The following CCAR2 variants were observed in gnomAD, a reference collection of about 807,000 sequenced individuals.
CCAR2 encodes cell cycle and apoptosis regulator 2.
In CCAR2, 21 loss-of-function variants were observed where a neutral mutation model predicts 108.1. The ratio of observed to expected loss-of-function variants is 0.19; its 90% CI spans 0.14 to 0.28. The LOEUF (loss-of-function observed/expected upper bound fraction) is 0.28, where lower values mean the gene tolerates loss of function less well. Among genes scored for constraint, CCAR2 ranks in the 10% least tolerant of loss-of-function variants. The pLI is 1.00. For synonymous variants in CCAR2, 577 were observed against 472.8 expected (o/e 1.22, Z -2.86); for missense variants, 1,126 against 1,177.0 (o/e 0.96, Z 0.63).
In CCAR2 at chr8:22,606,707, G is replaced by T. The variant is rs1230256106; in HGVS notation, c.242+9G>T. 1 of 1,611,102 alleles carries T rather than the reference G, an allele frequency of 6.2e-7. No individual in the cohort carries two copies. Among genetic ancestry groups the T allele is most frequent in the African/African-American group, 1.3e-5 (1 of 74,866 alleles). On this transcript the variant is annotated intron_variant, in intron 4 of 20. Transcript: ENST00000308511. The stretch of plus-strand genomic sequence containing the variant: ...GTCTTTTTTCAGCTAAGGTAGGCTT[G>T]AGGTTGGTCCCCTAACGGAAATGCT...
At chr8:22,606,321 CT>C in intron 3 of CCAR2, 145 bp downstream of exon 3, 1 of 748,868 alleles carries the variant, frequency 1.3e-6, no homozygotes, top group Non-Finnish European at 2.3e-6. Flanking sequence ...CCCAGATAGC[CT>C]TCAGACTGGG....
At position 22,605,668 on chromosome 8, in the gene CCAR2, T is replaced by C. The variant is rs936959181; in HGVS notation, c.-38-68T>C. The C allele has an allele frequency of 4.4e-6, 4 of 918,868 alleles. No homozygotes were observed. In the African/African-American group the frequency reaches 6.6e-5, roughly 15 times the overall value. 56.9% of individuals were successfully genotyped at this position (918,868 alleles called of 1,614,324 possible). A position where few individuals can be genotyped will look rare whatever the true frequency, so the allele number is the denominator to read the frequency against. ...TCCGAAATATCCTTACTTAAGATTC[T>C]CCACTTTTCCGGGTATAGATGGAAA... On this transcript the variant is annotated intron_variant, in intron 1 of 20. Coordinates refer to ENST00000308511, the MANE Select transcript of CCAR2 (RefSeq NM_001393997.1).
chr8:22,607,114 A>AG, intron 5 of CCAR2, 82 bp from the exon 6 acceptor site: 2 of 1,608,206 alleles, frequency 1.2e-6, no homozygotes, highest in Non-Finnish European at 1.7e-6. Context: ...GACTTTTGTC[A>AG]GGGGGGTGGG....
Position 22,605,842 on chromosome 8 carries a change from T to C in CCAR2, c.58+11T>C, listed in dbSNP as rs1168082715. 3 of 1,612,976 alleles carry C rather than the reference T, an allele frequency of 1.9e-6. No individual in the cohort carries two copies. Among genetic ancestry groups the C allele is most frequent in the Non-Finnish European group, 2.5e-6 (3 of 1,179,376 alleles). The stretch of plus-strand genomic sequence containing the variant: ...GACGCAACTTCTCAGGTGATCACTG[T>C]TCTCCCTACCTGGCCTCATCCTGGG... On this transcript the variant is annotated intron_variant, in intron 2 of 20. Transcript: ENST00000308511.
intron 7 of CCAR2, chr8:22,612,718 C>T (rs1801337081): frequency 4.4e-6 from 1 of 225,566 alleles, no homozygotes; most frequent in Non-Finnish European, 8.5e-6. Context: ...TTTCCAGAGG[C>T]TTCCATCATT....
At position 22,615,763 on chromosome 8, in the gene CCAR2, G is replaced by A. The variant is rs1470853175; in HGVS notation, c.1459G>A (p.Ala487Thr). The change falls in exon 13 of 21, where the codon GCC becomes ACC. Residue 487 changes from alanine to threonine, a missense_variant. Around this residue, in one of 4 missense-constraint regions of CCAR2, gnomAD observed 1,013 missense variants for 993.9 expected, o/e 1.02. Coordinates refer to ENST00000308511, the MANE Select transcript of CCAR2 (RefSeq NM_001393997.1). ...TAGACGGAACGCAGAAACTCCAGAGGCCACCACACAGCAGGAAACGGACAC... is the reference window on the plus strand; with the variant it reads ...TAGACGGAACGCAGAAACTCCAGAGACCACCACACAGCAGGAAACGGACAC... The part of the protein sequence containing the change: ...TSRRNAETPE[A>T]TTQQETDTDL... 18 of 1,613,770 alleles carry A rather than the reference G, an allele frequency of 1.1e-5. No homozygotes were observed. Among genetic ancestry groups the A allele is most frequent in the Non-Finnish European group, 1.5e-5 (18 of 1,180,022 alleles).
chr8:22,619,048 C>A lies in CCAR2; in HGVS notation c.2521+33C>A, dbSNP rs757152526. The A allele has an allele frequency of 4.4e-6, 7 of 1,608,030 alleles. No individual in the cohort carries two copies. The African/African-American group carries it at 8.0e-5, about 18-fold the overall frequency. On this transcript the variant is annotated intron_variant, in intron 19 of 20. Transcript: ENST00000308511. ...CCTGGGGCTGCAGCCACCATGGGGT[C>A]ACATGCAGACCAGTAGGGAACCTGC...
Position 22,618,462 on chromosome 8 carries a change from C to T in CCAR2, c.2187C>T (p.Leu729=), listed in dbSNP as rs201322918. Residue 729 remains leucine (L), a synonymous_variant, in exon 17 of 21, where the codon CTC becomes CTT. Coordinates refer to ENST00000308511, the MANE Select transcript of CCAR2 (RefSeq NM_001393997.1). The stretch of plus-strand genomic sequence containing the variant: ...ACCGGCGAGACTTAGAGAGGATCCT[C>T]CTTACCCTTGGGATCCGGCTCAGTG... ...YLHRRDLERI[L]LTLGIRLSAE... 9.0e-5 allele frequency: 146 copies of T among 1,614,110 alleles called. No homozygotes were observed. Among genetic ancestry groups the T allele is most frequent in the Middle Eastern group, 1.6e-4 (1 of 6,084 alleles).
chr8:22,616,992 C>T (rs1801546188), intron 14 of CCAR2, among the ~76,000 whole-genome samples: 1 of 106,020 alleles, frequency 9.4e-6, no homozygotes, highest in Non-Finnish European at 1.8e-5. Context: ...AACGATTCTC[C>T]TGCCTCAGCC....
At position 22,615,836 on chromosome 8, in the gene CCAR2, C is replaced by T; in HGVS notation, c.1532C>T (p.Ala511Val). Residue 511 changes from alanine to valine, a missense_variant, in exon 13 of 21, where the codon GCA becomes GTA. By Grantham distance (64) the Ala-to-Val change is moderately conservative (BLOSUM62 0). Transcript: ENST00000308511. ...CCCCCCCTAGAACCTGCTGTCATCG[C>T]ACGCCCTGGCTGTGTAAACCTGTCC... ...PPPPLEPAVI[A>V]RPGCVNLSLH... 1 of 1,614,008 alleles carries T rather than the reference C, an allele frequency of 6.2e-7. No individual in the cohort carries two copies. Among genetic ancestry groups the T allele is most frequent in the Non-Finnish European group, 8.5e-7 (1 of 1,180,036 alleles).
chr8:22,612,133 G>C (rs1226336174), intron 7 of CCAR2, among the ~76,000 whole-genome samples: 2 of 152,152 alleles, frequency 1.3e-5, no homozygotes, highest in Admixed American at 6.5e-5. Flanking sequence ...TTTTAGTAGA[G>C]ATAGGGTTTC....
intron 7 of CCAR2, among the ~76,000 whole-genome samples, chr8:22,611,053 TAAAATTAAAATAATATAAATAC>T (rs1363510844): frequency 5.3e-5 from 8 of 151,584 alleles, no homozygotes; most frequent in African/African-American, 1.9e-4. Context: ...TATAAATACA[TAAAATTAAAATAATATAAATAC>T]GTAGGCCAGG....
chr8:22,612,035 C>T (rs113297872), intron 7 of CCAR2, among the ~76,000 whole-genome samples: 15 of 151,786 alleles, frequency 9.9e-5, no homozygotes, highest in African/African-American at 3.6e-4. Flanking sequence ...ACCTCCGCCT[C>T]CCCGGTTCAA....
rs1425744988 is a variant in CCAR2, at chr8:22,618,743, C to T, written c.2332+15C>T. 3 of 1,613,726 alleles carry T rather than the reference C, an allele frequency of 1.9e-6. No individual in the cohort carries two copies. The highest frequency in any genetic ancestry group is 2.5e-6 in the Non-Finnish European group (3 of 1,179,890). On this transcript the variant is annotated intron_variant, in intron 18 of 20. Transcript: ENST00000308511. Reference sequence around the variant, plus strand: ...GGTGCTCTTCGGTATGTTCTGGGGCCCTGCAGCCTTCCTGGGGCACGGGCA... The same window carrying T: ...GGTGCTCTTCGGTATGTTCTGGGGCTCTGCAGCCTTCCTGGGGCACGGGCA...
intron 5 of CCAR2, 54 bp downstream of exon 5, chr8:22,607,078 G>A (rs1801106092): frequency 6.2e-7 from 1 of 1,608,994 alleles, no homozygotes; most frequent in Admixed American, 1.7e-5. Flanking sequence ...GGAAGCCCCT[G>A]TGCCCTGACA....
intron 14 of CCAR2, 37 bp from the exon 15 acceptor site, chr8:22,617,383 C>A: frequency 1.3e-6 from 2 of 1,516,832 alleles, no homozygotes; most frequent in Non-Finnish European, 1.8e-6. Context: ...ATGGTAACTG[C>A]CTGCCTTTTC....
rs963158511 is a variant in CCAR2 at position 22,620,424 on chromosome 8, T to TTG, written c.*743_*744insGT. The TTG allele has an allele frequency of 3.2e-4, 48 of 152,040 alleles. No individual in the cohort carries two copies. The highest frequency in any genetic ancestry group is 1.2e-3 in the African/African-American group (48 of 41,400). 9.4% of individuals were successfully genotyped at this position (152,040 alleles called of 1,614,324 possible). On this transcript the variant is annotated 3_prime_UTR_variant, in exon 21 of 21. Coordinates refer to ENST00000308511, the MANE Select transcript of CCAR2 (RefSeq NM_001393997.1). ...TTTGTATATAAAGTTGGGGTTTTTT[T>TTG]TTTTTTTTTTTGGCTTGTTTTTTAA...
At position 22,605,791 on chromosome 8, in the gene CCAR2, C is replaced by T. The variant is rs1563902174; in HGVS notation, c.18C>T (p.Arg6=). 2 of 1,614,028 alleles carry T rather than the reference C, an allele frequency of 1.2e-6. No individual in the cohort carries two copies. Among genetic ancestry groups the T allele is most frequent in the Non-Finnish European group, 1.7e-6 (2 of 1,179,946 alleles). The part of the protein sequence containing the change: MSQFK[R]QRINPLPGGR... The stretch of plus-strand genomic sequence containing the variant: ...CGTTCCCAATGTCCCAGTTTAAGCG[C>T]CAGCGGATCAACCCGCTTCCAGGGG... The change falls in exon 2 of 21, where the codon CGC becomes CGT. Residue 6 remains arginine (R), a synonymous_variant. Coordinates refer to ENST00000308511, the MANE Select transcript of CCAR2 (RefSeq NM_001393997.1).
Position 22,607,921 on chromosome 8 carries a change from C to T in CCAR2, c.488-48C>T, listed in dbSNP as rs144681687. 1,267 of 1,534,306 alleles carry T rather than the reference C, an allele frequency of 8.3e-4. 6 individuals are homozygous for T. The highest frequency in any genetic ancestry group is 3.7e-3 in the South Asian group (328 of 89,160). Reference sequence around the variant, plus strand: ...GATTACAGGTGTGAGCTATTGCACCCGGCCGGTTTTTAGGGTTTTTGAGTC... The same window carrying T: ...GATTACAGGTGTGAGCTATTGCACCTGGCCGGTTTTTAGGGTTTTTGAGTC... On this transcript the variant is annotated intron_variant, in intron 6 of 20. Transcript: ENST00000308511.
Sources: gnomAD v4.1 joint callset for allele counts (sites outside exome capture counted in the v4.1 genomes callset) on GRCh38, gnomAD v4.1.1 for gene constraint, gnomAD v4.1.1 regional missense constraint, MANE v1.5 for transcripts, NCBI Gene and HGNC (gene_info 2026-07-23, HGNC 2026-07-21) for gene names.